The following DPP6 variants were observed in gnomAD, a reference collection of about 807,000 sequenced individuals.
The protein encoded by DPP6 is dipeptidyl peptidase like 6.
In DPP6, 69 loss-of-function variants were observed where a neutral mutation model predicts 122.6. The ratio of observed to expected loss-of-function variants is 0.56; its 90% CI spans 0.46 to 0.69. The LOEUF (loss-of-function observed/expected upper bound fraction) is 0.69, where lower values mean the gene tolerates loss of function less well. Among genes scored for constraint, DPP6 ranks in the 30% least tolerant of loss-of-function variants. The pLI is 0.00. For missense variants in DPP6, 928 were observed against 1,116.9 expected, an observed-to-expected ratio of 0.83 and a Z score of 2.41; for synonymous variants, 418 against 433.1, an observed-to-expected ratio of 0.97 and a Z score of 0.43.
At chr7:154,148,024 G>A (rs968171335) in intron 1 of DPP6, among the ~76,000 whole-genome samples, 23 of 150,342 alleles carry the variant, frequency 1.5e-4, no homozygotes, top group Non-Finnish European at 2.1e-4. Context: ...GATCACGTCC[G>A]AGACCAGCAC....
intron 5 of DPP6, among the ~76,000 whole-genome samples, chr7:154,579,100 G>T (rs938534761): frequency 1.2e-4 from 19 of 152,182 alleles, no homozygotes; most frequent in African/African-American, 4.3e-4. Flanking sequence ...TGTAATCCCA[G>T]CACTTTGGGA....
At chr7:154,400,481 G>T (rs1174018273) in intron 1 of DPP6, among the ~76,000 whole-genome samples, 2 of 152,198 alleles carry the variant, frequency 1.3e-5, no homozygotes, top group Non-Finnish European at 2.9e-5. Flanking sequence ...ATGAGGAAAG[G>T]CTCCTTGGAT....
intron 10 of DPP6, 105 bp from the exon 11 acceptor site, chr7:154,793,974 G>T: frequency 1.4e-6 from 2 of 1,472,364 alleles, no homozygotes. Flanking sequence ...CACTGGCTCC[G>T]GCCCCCGGCT....
chr7:153,748,870 G>A, the DPP6 span, among the ~76,000 whole-genome samples: 1 of 146,184 alleles, frequency 6.8e-6, no homozygotes, highest in South Asian at 2.3e-4. Flanking sequence ...CCCCCGAGGC[G>A]CGCACCTCTG....
chr7:153,922,907 A>G (rs1406508107), intron 1 of DPP6, among the ~76,000 whole-genome samples: 1 of 152,236 alleles, frequency 6.6e-6, no homozygotes, highest in Non-Finnish European at 1.5e-5. Context: ...AAGCTGGCCC[A>G]TTTCAGAAAA....
At chr7:154,302,302 C>T (rs964487311) in intron 1 of DPP6, among the ~76,000 whole-genome samples, 6 of 152,206 alleles carry the variant, frequency 3.9e-5, no homozygotes, top group Non-Finnish European at 8.8e-5. Flanking sequence ...GTGCCTGGCT[C>T]ATTTCTCTTG....
At chr7:154,881,148 T>C (rs368965812) in intron 21 of DPP6, 3 of 867,872 alleles carry the variant, frequency 3.5e-6, no homozygotes, top group African/African-American at 3.4e-5. Context: ...CTTTTTACAT[T>C]ATCTGGAAGG....
At chr7:154,256,450 C>T (rs1342210632) in intron 1 of DPP6, among the ~76,000 whole-genome samples, 1 of 152,152 alleles carries the variant, frequency 6.6e-6, no homozygotes, top group Non-Finnish European at 1.5e-5. Context: ...GTCTGCATGA[C>T]GGGCGCATGG....
chr7:153,945,747 A>G lies in DPP6; in HGVS notation c.51+58013A>G, dbSNP rs557840270. Among the ~76,000 whole-genome samples, 129 of 152,334 alleles carry G rather than the reference A, an allele frequency of 8.5e-4. 1 individual carries two copies. Among genetic ancestry groups the G allele is most frequent in the African/African-American group, 2.9e-3 (121 of 41,580 alleles). On this transcript the variant is annotated intron_variant, in intron 1 of 25. Coordinates refer to the DPP6 transcript ENST00000404039. ...TCAGTAAGTGTGAAGGAAATAGCCC[A>G]GGTATTAAAGGGAGGAATCTGGAAA...
the DPP6 span, among the ~76,000 whole-genome samples, chr7:153,874,356 A>G: frequency 6.6e-6 from 1 of 152,180 alleles, no homozygotes. Context: ...GTAAAACTAA[A>G]TCATAAAATA....
intron 1 of DPP6, among the ~76,000 whole-genome samples, chr7:154,421,178 CAAG>C (rs1455943000): frequency 1.3e-5 from 2 of 152,092 alleles, no homozygotes; most frequent in African/African-American, 4.8e-5. Context: ...AGCATCATTA[CAAG>C]AAGTATAGAT....
chr7:154,166,066 T>C (rs1797231354), intron 1 of DPP6, among the ~76,000 whole-genome samples: 1 of 152,218 alleles, frequency 6.6e-6, no homozygotes, highest in African/African-American at 2.4e-5. Context: ...CAGAACAATA[T>C]ATTCTTCAAT....
chr7:154,263,293 A>T (rs572234399), intron 1 of DPP6, among the ~76,000 whole-genome samples: 1 of 152,246 alleles, frequency 6.6e-6, no homozygotes, highest in Non-Finnish European at 1.5e-5. Flanking sequence ...GGAGTAAATC[A>T]GGATCTCTCT....
At chr7:154,345,148 C>T (rs961716850) in intron 1 of DPP6, among the ~76,000 whole-genome samples, 1 of 152,070 alleles carries the variant, frequency 6.6e-6, no homozygotes, top group African/African-American at 2.4e-5. Context: ...GATGAGGGTG[C>T]GGGCAGCTTT....
intron 1 of DPP6, among the ~76,000 whole-genome samples, chr7:154,196,614 G>A (rs1470650469): frequency 1.3e-5 from 2 of 152,184 alleles, no homozygotes; most frequent in African/African-American, 2.4e-5. Context: ...ATGACCTTCA[G>A]CCATGGGGAG....
chr7:154,821,525 G>A lies in DPP6; in HGVS notation c.1666+14413G>A, dbSNP rs1381178735. 2.6e-5 allele frequency among the ~76,000 whole-genome samples: 4 copies of A among 151,200 alleles called. No homozygotes were observed. Among genetic ancestry groups the A allele is most frequent in the African/African-American group, 9.7e-5 (4 of 41,160 alleles). The stretch of plus-strand genomic sequence containing the variant: ...GGCCACATCCTACTTATCCAGCCTC[G>A]TAATGACACTACTCCTCTATCAGAG... On this transcript the variant is annotated intron_variant, in intron 16 of 25. Coordinates refer to ENST00000377770, the MANE Select transcript of DPP6 (RefSeq NM_130797.4). This position sits in a 1 kb window ranked among gnomAD's most constrained non-coding sequence, Gnocchi z 4.2.
At chr7:154,886,791 CCGCCCAGCAAGGCAGGGACCACGGTG>C (rs1483699328) in intron 22 of DPP6, among the ~76,000 whole-genome samples, 18 of 152,340 alleles carry the variant, frequency 1.2e-4, no homozygotes, top group Admixed American at 7.2e-4. Context: ...CCTGTAGACA[CCGCCCAGCAAGGCAGGGACCACGGTG>C]GGCCCAGCAG....
chr7:154,256,902 T>A (rs918711079), intron 1 of DPP6, among the ~76,000 whole-genome samples: 1 of 152,156 alleles, frequency 6.6e-6, no homozygotes, highest in Non-Finnish European at 1.5e-5. Context: ...AGCCTCACTT[T>A]AGAGAGGTCA....
Position 154,046,617 on chromosome 7 carries a change from G to C in DPP6, c.51+158883G>C, listed in dbSNP as rs1461227898. On this transcript the variant is annotated intron_variant, in intron 1 of 25. Transcript: ENST00000404039. The stretch of plus-strand genomic sequence containing the variant: ...TGTCCCACTGAACATCTGAAAAGGG[G>C]GTTTGTCACGTAAAGGAAGACTCTT... Among the ~76,000 whole-genome samples, 4 of 152,274 alleles carry C rather than the reference G, an allele frequency of 2.6e-5. No individual in the cohort carries two copies. In the East Asian group the frequency reaches 7.7e-4, roughly 29 times the overall value.
Sources: allele counts gnomAD v4.1 joint callset (sites outside exome capture counted in the v4.1 genomes callset), GRCh38; gene constraint gnomAD v4.1.1; non-coding constraint Gnocchi (gnomAD v3.1); transcripts MANE v1.5; gene names NCBI Gene and HGNC (gene_info 2026-07-23, HGNC 2026-07-21).